ADAM10: variants seen among roughly 807,000 people sequenced by gnomAD.
ADAM10 encodes ADAM metallopeptidase domain 10.
Under a neutral mutation model 90.1 loss-of-function variants are expected in ADAM10, and 17 were observed. That is an observed-to-expected ratio of 0.19 (90% CI 0.13 to 0.28). The LOEUF is 0.28. Among genes scored for constraint, ADAM10 ranks in the 10% least tolerant of loss-of-function variants. ADAM10 has a pLI of 1.00. For missense variants in ADAM10, 610 were observed against 914.3 expected (o/e 0.67, Z 4.29); for synonymous variants, 310 against 298.6 (o/e 1.04, Z -0.40).
chr15:58,622,582 T>C (rs1423179654), intron 10 of ADAM10, among the ~76,000 whole-genome samples: 1 of 152,236 alleles, frequency 6.6e-6, no homozygotes, highest in Non-Finnish European at 1.5e-5. Context: ...GTTTTGCTGC[T>C]GAACTAAACC....
intron 4 of ADAM10, among the ~76,000 whole-genome samples, chr15:58,676,931 A>G (rs1224091511): frequency 6.6e-6 from 1 of 152,238 alleles, no homozygotes; most frequent in Non-Finnish European, 1.5e-5. Context: ...TAGCTGCAAT[A>G]AAACATACAG....
At chr15:58,695,626 CA>C (rs1242638224) in intron 2 of ADAM10, among the ~76,000 whole-genome samples, 7 of 151,536 alleles carry the variant, frequency 4.6e-5, no homozygotes, top group African/African-American at 1.5e-4. Flanking sequence ...GCAAAAGCTA[CA>C]AAAAGATATT....
chr15:58,661,720 A>T (rs1364380551), intron 5 of ADAM10, among the ~76,000 whole-genome samples: 5 of 152,094 alleles, frequency 3.3e-5, no homozygotes, highest in African/African-American at 9.7e-5. Flanking sequence ...GGAGGCATTA[A>T]TTTTTAAATA....
chr15:58,644,142 C>CG (rs1896487460), intron 6 of ADAM10, among the ~76,000 whole-genome samples, 164 bp from the exon 7 acceptor site: 1 of 151,570 alleles, frequency 6.6e-6, no homozygotes, highest in Non-Finnish European at 1.5e-5. Context: ...TAGTGAGCTG[C>CG]GCTGGGAAGG....
intron 7 of ADAM10, among the ~76,000 whole-genome samples, chr15:58,643,104 T>C (rs1232480076): frequency 6.6e-6 from 1 of 152,112 alleles, no homozygotes; most frequent in Non-Finnish European, 1.5e-5. Context: ...AGCATATAAA[T>C]ACTGTTTCTT....
chr15:58,655,717 A>AGTGTGTG (rs1316558058), intron 5 of ADAM10, among the ~76,000 whole-genome samples: 3 of 55,426 alleles, frequency 5.4e-5, no homozygotes, highest in Admixed American at 1.8e-4. Context: ...TATAGTATAT[A>AGTGTGTG]TATATATATA....
chr15:58,667,718 T>C (rs1364368457), intron 4 of ADAM10, among the ~76,000 whole-genome samples: 1 of 151,906 alleles, frequency 6.6e-6, no homozygotes, highest in Non-Finnish European at 1.5e-5. Context: ...GTTGCCTACA[T>C]CAACAAGGAT....
chr15:58,635,382 A>C (rs1896223334), intron 8 of ADAM10, among the ~76,000 whole-genome samples: 1 of 152,124 alleles, frequency 6.6e-6, no homozygotes. Flanking sequence ...GCACATTAAA[A>C]TGAGTGACCT....
At chr15:58,605,065 G>A (rs1895231994) in intron 14 of ADAM10, among the ~76,000 whole-genome samples, 1 of 152,190 alleles carries the variant, frequency 6.6e-6, no homozygotes, top group South Asian at 2.1e-4. Context: ...AGAGCCATAC[G>A]AGTACACGCT....
At chr15:58,656,296 T>G (rs1157910349) in intron 5 of ADAM10, among the ~76,000 whole-genome samples, 6 of 152,192 alleles carry the variant, frequency 3.9e-5, no homozygotes, top group Non-Finnish European at 8.8e-5. Context: ...ATTAGAGACT[T>G]TGGTCCACTG....
intron 11 of ADAM10, among the ~76,000 whole-genome samples, chr15:58,620,444 G>C (rs1895745593): frequency 6.6e-6 from 1 of 151,674 alleles, no homozygotes; most frequent in Admixed American, 6.6e-5. Context: ...TCCAGCCTGG[G>C]TGACAGGTTT....
chr15:58,686,471 G>T, intron 2 of ADAM10: 1 of 1,396,152 alleles, frequency 7.2e-7, no homozygotes, highest in South Asian at 1.2e-5. Context: ...CAAGTTGGAG[G>T]CTGGCGTGGA....
chr15:58,720,136 G>C (rs1274523467), intron 1 of ADAM10, among the ~76,000 whole-genome samples: 2 of 152,114 alleles, frequency 1.3e-5, no homozygotes, highest in Non-Finnish European at 2.9e-5. Flanking sequence ...TTTTTAATCT[G>C]TAAAATGGAG....
chr15:58,693,607 T>C (rs1273126118), intron 2 of ADAM10, among the ~76,000 whole-genome samples: 2 of 152,130 alleles, frequency 1.3e-5, no homozygotes, highest in Non-Finnish European at 1.5e-5. Flanking sequence ...CAGACTTACA[T>C]GTAAAACTGT....
At position 58,665,160 on chromosome 15, in the gene ADAM10, T is replaced by C. The variant is rs753937153; in HGVS notation, c.522A>G (p.Ala174=). The C allele has an allele frequency of 2.5e-6, 4 of 1,613,516 alleles. No homozygotes were observed. The highest frequency in any genetic ancestry group is 3.4e-6 in the Non-Finnish European group (4 of 1,179,466). ...PHKYGPQGGC[A]DHSVFERMRK... ...TCATTCTTTCAAATACTGAATGATC[T>C]GCACAGCCCCCCTGAGGACCGTATT... The change falls in exon 5 of 16, where the codon GCA becomes GCG. Residue 174 remains alanine, a synonymous_variant. Transcript: ENST00000260408.
intron 2 of ADAM10, among the ~76,000 whole-genome samples, chr15:58,706,187 A>C (rs1595639109): frequency 6.6e-6 from 1 of 152,328 alleles, no homozygotes; most frequent in Middle Eastern, 3.4e-3. Context: ...ATGGGACATA[A>C]AGCCCCAACT....
At chr15:58,652,424 G>A (rs114454356) in intron 5 of ADAM10, among the ~76,000 whole-genome samples, 2,269 of 152,262 alleles carry the variant, frequency 0.015, 61 homozygotes, top group African/African-American at 0.052. Context: ...TGTATACGGT[G>A]AGAAATAGAG....
chr15:58,706,347 G>A (rs1898288029), intron 2 of ADAM10, among the ~76,000 whole-genome samples: 1 of 152,094 alleles, frequency 6.6e-6, no homozygotes, highest in Middle Eastern at 3.2e-3. Flanking sequence ...CCTATGACAG[G>A]CCTGGGTTAG....
chr15:58,701,014 C>CAAAAAAAA (rs1257060994), intron 2 of ADAM10, among the ~76,000 whole-genome samples: 3 of 44,924 alleles, frequency 6.7e-5, no homozygotes, highest in Non-Finnish European at 1.8e-4. Flanking sequence ...TAAAAAAAAA[C>CAAAAAAAA]AAAAAAACAA....
Sources: gnomAD v4.1 joint callset for allele counts (sites outside exome capture counted in the v4.1 genomes callset) on GRCh38, gnomAD v4.1.1 for gene constraint, MANE v1.5 for transcripts, NCBI Gene and HGNC (gene_info 2026-07-23, HGNC 2026-07-21) for gene names.